NEK11: variants seen among roughly 807,000 people sequenced by gnomAD.
NEK11 encodes serine/threonine-protein kinase Nek11.
Under a neutral mutation model 80.7 loss-of-function variants are expected in NEK11, and 72 were observed. That is an observed-to-expected ratio of 0.89 (90% CI 0.74 to 1.08). The LOEUF (loss-of-function observed/expected upper bound fraction) is 1.08. Among genes scored for constraint, NEK11 ranks in the 50% least tolerant of loss-of-function variants. NEK11 has a pLI of 0.00. For synonymous variants in NEK11, 251 were observed against 260.7 expected, an observed-to-expected ratio of 0.96 and a Z score of 0.36; for missense variants, 764 against 763.6, an observed-to-expected ratio of 1.00 and a Z score of -0.01.
At chr3:131,230,981 C>T (rs1457150004) in intron 15 of NEK11, among the ~76,000 whole-genome samples, 1 of 152,120 alleles carries the variant, frequency 6.6e-6, no homozygotes, top group East Asian at 1.9e-4. Context: ...CTCTTGCCTG[C>T]AGCCAGGTAA....
chr3:131,230,730 T>A (rs1029964902), intron 15 of NEK11, among the ~76,000 whole-genome samples: 10 of 152,188 alleles, frequency 6.6e-5, no homozygotes, highest in African/African-American at 2.4e-4. Context: ...AGATTGTGAT[T>A]GATTTTAAGT....
chr3:131,306,798 A>G (rs570597871), intron 17 of NEK11, among the ~76,000 whole-genome samples: 17 of 152,312 alleles, frequency 1.1e-4, no homozygotes, highest in Admixed American at 7.2e-4. Context: ...ATCTCACTCA[A>G]TTATGGGGAC....
intron 14 of NEK11, among the ~76,000 whole-genome samples, chr3:131,227,187 T>C (rs2095225071): frequency 6.6e-6 from 1 of 152,274 alleles, no homozygotes; most frequent in Admixed American, 6.5e-5. Flanking sequence ...ATTTTTATTC[T>C]ACTGTACAGC....
At chr3:131,249,987 CAA>C (rs1264513369) in intron 16 of NEK11, among the ~76,000 whole-genome samples, 2 of 151,850 alleles carry the variant, frequency 1.3e-5, no homozygotes, top group African/African-American at 4.8e-5. Context: ...TGTGTATCCA[CAA>C]AAGTTTTTTA....
At chr3:131,239,971 T>C (rs940479684) in intron 15 of NEK11, among the ~76,000 whole-genome samples, 4 of 152,204 alleles carry the variant, frequency 2.6e-5, no homozygotes, top group Admixed American at 6.5e-5. Flanking sequence ...GGTTTTCACT[T>C]ACCTAACTTT....
intron 17 of NEK11, among the ~76,000 whole-genome samples, chr3:131,336,313 G>A (rs532730340): frequency 4.7e-4 from 72 of 152,152 alleles, no homozygotes; most frequent in East Asian, 7.7e-4. Flanking sequence ...AAATAACGCC[G>A]CATTTCTACA....
chr3:131,338,265 G>GTTTTTT (rs1554023900), intron 17 of NEK11, among the ~76,000 whole-genome samples: 3 of 91,608 alleles, frequency 3.3e-5, no homozygotes, highest in Admixed American at 1.4e-4. Flanking sequence ...GCGCCCAGCT[G>GTTTTTT]GTTTTTTTTT....
intron 16 of NEK11, among the ~76,000 whole-genome samples, chr3:131,254,581 C>G (rs1488356209): frequency 6.6e-6 from 1 of 152,162 alleles, no homozygotes; most frequent in African/African-American, 2.4e-5. Context: ...TTAAAAGAAT[C>G]TTAATGGGAA....
At position 131,340,304 on chromosome 3, in the gene NEK11, A is replaced by C. The variant is rs182155991; in HGVS notation, c.1719-9253A>C. Among the ~76,000 whole-genome samples, 1,129 of 152,308 alleles carry C rather than the reference A, an allele frequency of 7.4e-3. 9 individuals carry two copies. Among genetic ancestry groups the C allele is most frequent in the Non-Finnish European group, 0.012 (819 of 68,024 alleles). Reference sequence around the variant, plus strand: ...ATACTATTCCTGTAACTTTTCTGTAAGTATGGGATTCAAAATTAAAATAAT... The same window carrying C: ...ATACTATTCCTGTAACTTTTCTGTACGTATGGGATTCAAAATTAAAATAAT... On this transcript the variant is annotated intron_variant, in intron 17 of 17. Coordinates refer to ENST00000383366, the MANE Select transcript of NEK11 (RefSeq NM_024800.5).
chr3:131,054,770 AAATAAATAAATAAATAAATAAATG>A (rs1435910584), intron 3 of NEK11, among the ~76,000 whole-genome samples: 2 of 139,322 alleles, frequency 1.4e-5, no homozygotes, highest in African/African-American at 5.6e-5. Context: ...ATAAATAAAT[AAATAAATAAATAAATAAATAAATG>A]AATGAATGTA....
chr3:131,074,128 C>T (rs1373808831), intron 3 of NEK11, among the ~76,000 whole-genome samples: 1 of 152,092 alleles, frequency 6.6e-6, no homozygotes, highest in African/African-American at 2.4e-5. Flanking sequence ...TGTCTCACTT[C>T]CCCACTTTCC....
chr3:131,063,233 C>T (rs2071248140), intron 3 of NEK11, among the ~76,000 whole-genome samples: 1 of 152,144 alleles, frequency 6.6e-6, no homozygotes, highest in Non-Finnish European at 1.5e-5. Flanking sequence ...CTATGTTGCC[C>T]AGGCTGGTCT....
chr3:131,217,472 C>T (rs78967464), intron 14 of NEK11, among the ~76,000 whole-genome samples: 2,713 of 152,202 alleles, frequency 0.018, 89 homozygotes, highest in African/African-American at 0.062. Flanking sequence ...GCTGTTGGCC[C>T]TTTATGTGTA....
At chr3:131,335,276 C>A (rs1302114753) in intron 17 of NEK11, among the ~76,000 whole-genome samples, 1 of 152,208 alleles carries the variant, frequency 6.6e-6, no homozygotes, top group Non-Finnish European at 1.5e-5. Context: ...CCACCATGAT[C>A]AAGTGGGCTC....
chr3:131,158,356 G>C (rs2718875), intron 10 of NEK11, among the ~76,000 whole-genome samples: 13,784 of 152,060 alleles, frequency 0.091, 1,145 homozygotes, highest in East Asian at 0.43. Context: ...CCCTGCCAGC[G>C]TGCATGTGCA....
At chr3:131,047,480 G>A (rs188991864) in intron 3 of NEK11, among the ~76,000 whole-genome samples, 1 of 152,182 alleles carries the variant, frequency 6.6e-6, no homozygotes, top group Admixed American at 6.5e-5. Context: ...CCTTGATGTG[G>A]TGCTCTCCCC....
At chr3:131,328,346 T>C (rs1473658483) in intron 17 of NEK11, 1 of 152,042 alleles carries the variant, frequency 6.6e-6, no homozygotes, top group African/African-American at 2.4e-5. Context: ...GACAGGAATA[T>C]TGTTTTAAAA....
At chr3:131,233,541 G>A (rs2107897021) in intron 15 of NEK11, among the ~76,000 whole-genome samples, 1 of 152,260 alleles carries the variant, frequency 6.6e-6, no homozygotes, top group Non-Finnish European at 1.5e-5. Context: ...TAAGGGAGAA[G>A]GCAGAGATAA....
intron 4 of NEK11, among the ~76,000 whole-genome samples, chr3:131,108,786 C>A (rs1299833459): frequency 3.9e-5 from 6 of 151,996 alleles, no homozygotes; most frequent in Admixed American, 1.3e-4. Flanking sequence ...CATAGATCCA[C>A]AGTTATTATA....
Sources: allele counts gnomAD v4.1 joint callset (sites outside exome capture counted in the v4.1 genomes callset), GRCh38; gene constraint gnomAD v4.1.1; transcripts MANE v1.5; gene names NCBI Gene and HGNC (gene_info 2026-07-23, HGNC 2026-07-21).